VPS13B: variants seen among roughly 807,000 people sequenced by gnomAD.
VPS13B encodes intermembrane lipid transfer protein VPS13B.
In VPS13B, 285 loss-of-function variants were observed where a neutral mutation model predicts 426.4. The observed-to-expected ratio is 0.67, with a 90% CI of 0.61 to 0.74. The LOEUF is 0.74. Among genes scored for constraint, VPS13B ranks in the 30% least tolerant of loss-of-function variants. The pLI is 0.00. For missense variants in VPS13B, 4,537 were observed against 4,782.6 expected, an observed-to-expected ratio of 0.95 and a Z score of 1.51; for synonymous variants, 1,676 against 1,676.4, an observed-to-expected ratio of 1.00 and a Z score of 0.01.
chr8:99,044,084 C>CTTTT (rs5893476), intron 3 of VPS13B, among the ~76,000 whole-genome samples: 184 of 98,914 alleles, frequency 1.9e-3, no homozygotes, highest in East Asian at 4.1e-3. Flanking sequence ...TTCTTTCTTT[C>CTTTT]TTTTTTTTTT....
At chr8:99,765,361 A>C (rs1435509626) in intron 39 of VPS13B, among the ~76,000 whole-genome samples, 3 of 151,938 alleles carry the variant, frequency 2.0e-5, no homozygotes, top group African/African-American at 7.2e-5. Context: ...AATCTCTTTG[A>C]GTATTGGTGA....
chr8:99,081,518 G>A (rs1482928232), intron 3 of VPS13B, among the ~76,000 whole-genome samples: 4 of 151,432 alleles, frequency 2.6e-5, no homozygotes, highest in Non-Finnish European at 4.4e-5. Context: ...TTGGTGTGCT[G>A]CACCCATTAA....
At chr8:99,661,028 A>T (rs546121295) in intron 34 of VPS13B, among the ~76,000 whole-genome samples, 1 of 152,146 alleles carries the variant, frequency 6.6e-6, no homozygotes, top group African/African-American at 2.4e-5. Flanking sequence ...ATCACATTTT[A>T]AAAAATATCC....
chr8:99,420,731 T>C (rs1816322178), intron 21 of VPS13B, among the ~76,000 whole-genome samples: 1 of 152,158 alleles, frequency 6.6e-6, no homozygotes, highest in Non-Finnish European at 1.5e-5. Context: ...TTTAAAGTTA[T>C]ACCATGAAGA....
chr8:99,377,098 C>G (rs1813531557), intron 19 of VPS13B, among the ~76,000 whole-genome samples: 1 of 151,938 alleles, frequency 6.6e-6, no homozygotes, highest in Admixed American at 6.6e-5. Context: ...TTTTTGAGTA[C>G]TTTTCTGATC....
chr8:99,025,431 G>A (rs944786007), intron 2 of VPS13B, among the ~76,000 whole-genome samples: 2 of 152,154 alleles, frequency 1.3e-5, no homozygotes, highest in East Asian at 3.8e-4. Context: ...TAATTATGGT[G>A]TATAATCATT....
chr8:99,467,213 G>A (rs543086491), intron 23 of VPS13B, among the ~76,000 whole-genome samples: 12 of 151,956 alleles, frequency 7.9e-5, no homozygotes, highest in South Asian at 2.1e-4. Context: ...GTTAATGTAC[G>A]GTTTATAGTG....
At position 99,844,385 on chromosome 8, in the gene VPS13B, C is replaced by T. The variant is rs1382735584; in HGVS notation, c.9943-4391C>T. ...AGGCTTTTTTTTTTTTTTTTTGAGACGGAGTTTCACTCTTGTTGCTCAGGC... is the reference window on the plus strand; with the variant it reads ...AGGCTTTTTTTTTTTTTTTTTGAGATGGAGTTTCACTCTTGTTGCTCAGGC... On this transcript the variant is annotated intron_variant, in intron 54 of 61. Coordinates refer to ENST00000357162, the MANE Select transcript of VPS13B (RefSeq NM_152564.5). Among the ~76,000 whole-genome samples, 21 of 134,430 alleles carry T rather than the reference C, an allele frequency of 1.6e-4. No homozygotes were observed. The East Asian group carries it at 2.4e-3, about 15-fold the overall frequency. 88.2% of individuals were successfully genotyped at this position (134,430 alleles called of 152,430 possible).
At chr8:99,401,916 A>T (rs1815059880) in intron 21 of VPS13B, among the ~76,000 whole-genome samples, 1 of 152,156 alleles carries the variant, frequency 6.6e-6, no homozygotes, top group Admixed American at 6.5e-5. Context: ...GATGAAAGTT[A>T]GTATAAGTGG....
At chr8:99,758,825 C>G (rs1810770783) in intron 39 of VPS13B, among the ~76,000 whole-genome samples, 1 of 152,116 alleles carries the variant, frequency 6.6e-6, no homozygotes, top group Non-Finnish European at 1.5e-5. Flanking sequence ...ACCTGTTCTT[C>G]CAGAAGTTCT....
At chr8:99,289,836 A>G (rs1406870654) in intron 19 of VPS13B, among the ~76,000 whole-genome samples, 3 of 152,162 alleles carry the variant, frequency 2.0e-5, no homozygotes, top group Non-Finnish European at 4.4e-5. Context: ...TCCTAAAAAC[A>G]AGATTTATTA....
intron 17 of VPS13B, among the ~76,000 whole-genome samples, chr8:99,198,236 T>C (rs1455440681): frequency 6.6e-6 from 1 of 152,204 alleles, no homozygotes; most frequent in African/African-American, 2.4e-5. Context: ...TTAGCACTTA[T>C]CACTGTGTGA....
chr8:99,832,466 C>G lies in VPS13B; in HGVS notation c.9428C>G (p.Pro3143Arg). 12 of 1,610,988 alleles carry G rather than the reference C, an allele frequency of 7.4e-6. No homozygotes were observed. The highest frequency in any genetic ancestry group is 1.0e-5 in the Non-Finnish European group (12 of 1,179,382). ...TCCCTTCCTTGCTGGGACTTGATGC[C>G]TGACATCAGTCAGTCAGTACTGGAT... ...SSSLPCWDLM[P>R]DISQSVLDAS... Residue 3143 changes from proline (P) to arginine (R), a missense_variant, in exon 52 of 62, where the codon CCT becomes CGT. By Grantham distance (103) the Pro-to-Arg change is moderately radical. Coordinates refer to ENST00000357162, the MANE Select transcript of VPS13B (RefSeq NM_152564.5).
chr8:99,590,194 CA>C (rs1826552070), intron 33 of VPS13B, among the ~76,000 whole-genome samples: 1 of 152,076 alleles, frequency 6.6e-6, no homozygotes, highest in Admixed American at 6.6e-5. Context: ...TCACCTTTAT[CA>C]TTTTTTTATT....
At chr8:99,044,432 T>TG (rs201119948) in intron 3 of VPS13B, among the ~76,000 whole-genome samples, 4,335 of 132,594 alleles carry the variant, frequency 0.033, 81 homozygotes, top group South Asian at 0.097. Flanking sequence ...GTGTGTGTGT[T>TG]TTTTTAATTG....
chr8:99,204,179 G>C (rs1305889195), intron 17 of VPS13B, among the ~76,000 whole-genome samples: 2 of 152,154 alleles, frequency 1.3e-5, no homozygotes, highest in Non-Finnish European at 2.9e-5. Context: ...CAATGGAACA[G>C]AACAGAGGCC....
chr8:99,807,912 A>G (rs1813487671), intron 43 of VPS13B, among the ~76,000 whole-genome samples: 1 of 151,290 alleles, frequency 6.6e-6, no homozygotes, highest in Admixed American at 6.6e-5. Context: ...AACATCGAAA[A>G]CGTATGTTGT....
intron 33 of VPS13B, among the ~76,000 whole-genome samples, chr8:99,580,123 A>G (rs188245045): frequency 1.7e-4 from 26 of 152,040 alleles, no homozygotes; most frequent in Admixed American, 1.2e-3. Flanking sequence ...TGATATTATA[A>G]ACAACTACTA....
intron 16 of VPS13B, among the ~76,000 whole-genome samples, chr8:99,172,451 C>G (rs180986850): frequency 1.3e-5 from 2 of 152,192 alleles, no homozygotes; most frequent in Admixed American, 1.3e-4. Flanking sequence ...ATGATATTGT[C>G]TCTTATAAAC....
Sources: allele counts gnomAD v4.1 joint callset (sites outside exome capture counted in the v4.1 genomes callset), GRCh38; gene constraint gnomAD v4.1.1; transcripts MANE v1.5; gene names NCBI Gene and HGNC (gene_info 2026-07-23, HGNC 2026-07-21).